HSPA14: variants seen among roughly 807,000 people sequenced by gnomAD.
HSPA14 encodes the protein heat shock 70 kDa protein 14.
In HSPA14, 37 loss-of-function variants were observed where a neutral mutation model predicts 65.5. The observed-to-expected ratio is 0.56, with a 90% CI of 0.43 to 0.74. The LOEUF (loss-of-function observed/expected upper bound fraction) is 0.74, where lower values mean the gene tolerates loss of function less well. Ranked by LOEUF, HSPA14 falls within the 30% of genes least tolerant of loss-of-function variation. HSPA14 has a pLI of 0.00. For missense variants in HSPA14, 564 were observed against 607.6 expected, an observed-to-expected ratio of 0.93 and a Z score of 0.75; for synonymous variants, 203 against 214.2, an observed-to-expected ratio of 0.95 and a Z score of 0.46.
At chr10:14,851,158 T>A in intron 6 of HSPA14, 61 bp from the exon 7 acceptor site, 1 of 906,302 alleles carries the variant, frequency 1.1e-6, no homozygotes, top group Non-Finnish European at 1.8e-6. Flanking sequence ...GCAGATCATT[T>A]CTAAAAATGT....
At chr10:14,853,255 T>A (rs1295986975) in intron 8 of HSPA14, among the ~76,000 whole-genome samples, 1 of 152,238 alleles carries the variant, frequency 6.6e-6, no homozygotes, top group South Asian at 2.1e-4. Flanking sequence ...ACTTAGTAAG[T>A]AGTTTTAAAC....
intron 13 of HSPA14, among the ~76,000 whole-genome samples, chr10:14,871,242 T>C (rs1182658079): frequency 2.0e-5 from 3 of 152,200 alleles, no homozygotes; most frequent in African/African-American, 7.2e-5. Context: ...CTGGAGCTTA[T>C]ATAAAGTCTT....
At chr10:14,865,727 C>T (rs1479030551) in intron 10 of HSPA14, among the ~76,000 whole-genome samples, 3 of 152,124 alleles carry the variant, frequency 2.0e-5, no homozygotes, top group Non-Finnish European at 2.9e-5. Context: ...GTTACTGTAG[C>T]GTTATAGTAT....
intron 10 of HSPA14, among the ~76,000 whole-genome samples, chr10:14,858,154 T>C (rs998888087): frequency 6.6e-6 from 1 of 152,228 alleles, no homozygotes; most frequent in Non-Finnish European, 1.5e-5. Context: ...CAAGTAAGTA[T>C]TGTAAGTATA....
At chr10:14,841,742 G>C (rs1028574231) in intron 3 of HSPA14, among the ~76,000 whole-genome samples, 2 of 152,216 alleles carry the variant, frequency 1.3e-5, no homozygotes, top group Non-Finnish European at 2.9e-5. Context: ...CTGACAGTCA[G>C]ATGGGTAACA....
chr10:14,863,710 C>G (rs1162418091), intron 10 of HSPA14, among the ~76,000 whole-genome samples: 1 of 152,094 alleles, frequency 6.6e-6, no homozygotes, highest in Admixed American at 6.5e-5. Flanking sequence ...TTTGCCTTCT[C>G]TGCCTCTCTC....
chr10:14,845,773 G>C (rs1461890445), intron 3 of HSPA14: 1 of 173,158 alleles, frequency 5.8e-6, no homozygotes, highest in African/African-American at 2.4e-5. Context: ...TGTTGGCCAG[G>C]CTAGTCTTGA....
At chr10:14,871,245 A>G (rs1832851792) in intron 13 of HSPA14, among the ~76,000 whole-genome samples, 1 of 152,170 alleles carries the variant, frequency 6.6e-6, no homozygotes, top group Admixed American at 6.5e-5. Context: ...GAGCTTATAT[A>G]AAGTCTTAAA....
intron 3 of HSPA14, 38 bp from the exon 4 acceptor site, chr10:14,848,571 T>C (rs1274763611): frequency 1.9e-5 from 28 of 1,496,290 alleles, no homozygotes; most frequent in Non-Finnish European, 2.5e-5. Context: ...CAATACTGAT[T>C]TTAATACTTA....
At chr10:14,866,322 C>T (rs780474523) in intron 10 of HSPA14, among the ~76,000 whole-genome samples, 1 of 152,140 alleles carries the variant, frequency 6.6e-6, no homozygotes, top group Non-Finnish European at 1.5e-5. Flanking sequence ...TCATACTGAA[C>T]GTGAAAGAGG....
chr10:14,842,924 T>C lies in HSPA14; in HGVS notation c.221+2767T>C, dbSNP rs1833994121. ...CATTTAGCTGTGTCTGTTTGGATAG[T>C]GTCCTCTTCAGCATAGTTCCTGTTT... On this transcript the variant is annotated intron_variant, in intron 3 of 13. Coordinates refer to ENST00000378372, the MANE Select transcript of HSPA14 (RefSeq NM_016299.4). The surrounding 1 kb of genome is among the most constrained non-coding windows in gnomAD (Gnocchi z 5.2). 9.6e-7 allele frequency: 1 copy of C among 1,042,970 alleles called. No individual in the cohort carries two copies. The highest frequency in any genetic ancestry group is 1.4e-6 in the Non-Finnish European group (1 of 735,750). The allele number at this position is 1,042,970 out of a possible 1,614,324, so 64.6% of individuals were successfully genotyped here.
In HSPA14 at chr10:14,839,901, C is replaced by G. The variant is rs757191496; in HGVS notation, c.58-4C>G. 5.0e-6 allele frequency: 8 copies of G among 1,610,758 alleles called. No individual in the cohort carries two copies. The African/African-American group carries it at 5.3e-5, about 11-fold the overall frequency. On this transcript the variant is annotated splice_polypyrimidine_tract_variant and splice_region_variant and intron_variant, in intron 1 of 13. Transcript: ENST00000378372. ...GACTATGTATTTCGTGTTTTTTTCT[C>G]TAGGATGGCCGGGCTGGTGTGGTTG...
intron 3 of HSPA14, chr10:14,846,795 G>A (rs1834060838): frequency 1.3e-5 from 13 of 985,336 alleles, no homozygotes; most frequent in Non-Finnish European, 1.6e-5. Context: ...CCAAGCCCGT[G>A]GGCTGTTGAC....
intron 10 of HSPA14, among the ~76,000 whole-genome samples, chr10:14,866,460 TG>T (rs1193476946): frequency 6.6e-6 from 1 of 152,188 alleles, no homozygotes; most frequent in East Asian, 1.9e-4. Context: ...TGAATGCCCA[TG>T]GAATCATAAG....
chr10:14,852,628 A>G (rs1462391945), intron 8 of HSPA14, 97 bp downstream of exon 8: 2 of 982,440 alleles, frequency 2.0e-6, no homozygotes, highest in East Asian at 5.1e-5. Context: ...TCCTGCTGCA[A>G]AGGAGGATGT....
At chr10:14,852,234 TA>T (rs1340683534) in intron 7 of HSPA14, 135 bp from the exon 8 acceptor site, 32 of 695,418 alleles carry the variant, frequency 4.6e-5, no homozygotes, top group Non-Finnish European at 7.2e-5. Context: ...TAAGTGACTA[TA>T]GACAACTTAG....
intron 9 of HSPA14, 84 bp downstream of exon 9, chr10:14,854,364 G>T: frequency 8.9e-7 from 1 of 1,124,448 alleles, no homozygotes; most frequent in African/African-American, 1.6e-5. Flanking sequence ...TGGGTTTTTT[G>T]TTTGTTTGTT....
intron 5 of HSPA14, among the ~76,000 whole-genome samples, chr10:14,849,109 T>C (rs1048430963): frequency 3.5e-4 from 54 of 152,294 alleles, no homozygotes; most frequent in Non-Finnish European, 1.6e-4. Flanking sequence ...TCCCTATAAG[T>C]CATATAAATG....
chr10:14,845,453 A>C (rs1379004031), intron 3 of HSPA14: 1 of 985,282 alleles, frequency 1.0e-6, no homozygotes, highest in Non-Finnish European at 1.2e-6. Flanking sequence ...GTAGACGGCA[A>C]GCGAGCTGCT....
Sources: gnomAD v4.1 joint callset for allele counts (sites outside exome capture counted in the v4.1 genomes callset) on GRCh38, gnomAD v4.1.1 for gene constraint, Gnocchi (gnomAD v3.1) non-coding constraint, MANE v1.5 for transcripts, NCBI Gene and HGNC (gene_info 2026-07-23, HGNC 2026-07-21) for gene names.